Variants in CAPN2 observed in about 807,000 individuals in gnomAD.
CAPN2 encodes calpain 2.
In CAPN2, 92 loss-of-function variants were observed where a neutral mutation model predicts 102.3. The ratio of observed to expected loss-of-function variants is 0.90; its 90% CI spans 0.76 to 1.07. The LOEUF (loss-of-function observed/expected upper bound fraction) is 1.07. Ranked by LOEUF, CAPN2 falls within the 50% of genes least tolerant of loss-of-function variation. CAPN2 has a pLI of 0.00. For missense variants in CAPN2, 800 were observed against 909.4 expected (o/e 0.88, Z 1.55); for synonymous variants, 340 against 355.4 (o/e 0.96, Z 0.49).
chr1:223,770,390 G>GT, intron 17 of CAPN2, 57 bp from the exon 18 acceptor site: 1 of 1,226,678 alleles, frequency 8.2e-7, no homozygotes. Context: ...TACTAGGGAG[G>GT]TAACTTGCCA....
intron 2 of CAPN2, among the ~76,000 whole-genome samples, chr1:223,738,889 G>T (rs567682230): frequency 2.0e-5 from 3 of 152,242 alleles, no homozygotes; most frequent in South Asian, 4.1e-4. Context: ...GCCGAGCCAC[G>T]CTCTCAGAGA....
intron 2 of CAPN2, among the ~76,000 whole-genome samples, chr1:223,728,309 GC>G (rs1477433769): frequency 1.3e-5 from 2 of 152,298 alleles, no homozygotes; most frequent in Middle Eastern, 3.4e-3. Flanking sequence ...CATGTCTGGT[GC>G]CCGGGCTGAA....
At chr1:223,762,364 G>A in intron 14 of CAPN2, 113 bp downstream of exon 14, 1 of 859,654 alleles carries the variant, frequency 1.2e-6, no homozygotes, top group South Asian at 1.5e-5. Context: ...CTGAACAAAA[G>A]CAAAGAGAAA....
chr1:223,736,760 C>T (rs958354685), intron 2 of CAPN2, among the ~76,000 whole-genome samples: 3 of 152,126 alleles, frequency 2.0e-5, no homozygotes, highest in Non-Finnish European at 4.4e-5. Flanking sequence ...GAAATTAAGT[C>T]TAGGCTGGTC....
chr1:223,711,188 T>C (rs1659719125), upstream of CAPN2, among the ~76,000 whole-genome samples: 1 of 152,142 alleles, frequency 6.6e-6, no homozygotes, highest in Admixed American at 6.5e-5. Flanking sequence ...CTGGGGTGGG[T>C]AGGGGACAAA....
At position 223,775,218 on chromosome 1, in the gene CAPN2, C is replaced by T. The variant is rs1434608994; in HGVS notation, c.*361C>T. Reference sequence around the variant, plus strand: ...GAGGTATTTAACAGCTGAGCAAAAACATTGAGTCGCTCTCAAAGGACACGA... The same window carrying T: ...GAGGTATTTAACAGCTGAGCAAAAATATTGAGTCGCTCTCAAAGGACACGA... On this transcript the variant is annotated 3_prime_UTR_variant, in exon 21 of 21. Coordinates refer to ENST00000295006, the MANE Select transcript of CAPN2 (RefSeq NM_001748.5). 4.9e-6 allele frequency: 1 copy of T among 204,660 alleles called. No homozygotes were observed. Among genetic ancestry groups the T allele is most frequent in the Non-Finnish European group, 9.8e-6 (1 of 102,526 alleles). 12.7% of individuals were successfully genotyped at this position (204,660 alleles called of 1,614,324 possible). A position where few individuals can be genotyped will look rare whatever the true frequency, so the allele number is the denominator to read the frequency against.
chr1:223,770,493 C>T lies in CAPN2; in HGVS notation c.1871C>T (p.Ser624Phe). Residue 624 changes from serine to phenylalanine, a missense_variant, in exon 18 of 21, where the codon TCC becomes TTC. Ser to Phe is a radical substitution (Grantham distance 155). Coordinates refer to ENST00000295006, the MANE Select transcript of CAPN2 (RefSeq NM_001748.5). ...GTTGACAGGTCTGGTACCATGAATTCCTATGAAATGCGGAAGGCATTAGAA... is the reference window on the plus strand; with the variant it reads ...GTTGACAGGTCTGGTACCATGAATTTCTATGAAATGCGGAAGGCATTAGAA... ...IDVDRSGTMNSYEMRKALEEA... is the reference protein window; with the variant it reads ...IDVDRSGTMNFYEMRKALEEA... 2 of 1,613,628 alleles carry T rather than the reference C, an allele frequency of 1.2e-6. No homozygotes were observed. The highest frequency in any genetic ancestry group is 1.7e-6 in the Non-Finnish European group (2 of 1,179,772).
At chr1:223,722,999 T>C (rs1195526824) in intron 2 of CAPN2, among the ~76,000 whole-genome samples, 2 of 152,194 alleles carry the variant, frequency 1.3e-5, no homozygotes, top group Non-Finnish European at 2.9e-5. Flanking sequence ...GATCAGAGAT[T>C]TTGTAAGATG....
chr1:223,771,612 G>A (rs1264220705), intron 18 of CAPN2, 197 bp from the exon 19 acceptor site: 1 of 570,112 alleles, frequency 1.8e-6, no homozygotes, highest in East Asian at 3.0e-5. Flanking sequence ...CAGGGTGAAG[G>A]TGGACAGTTC....
At chr1:223,719,844 G>C (rs565458790) in intron 2 of CAPN2, among the ~76,000 whole-genome samples, 4 of 151,870 alleles carry the variant, frequency 2.6e-5, no homozygotes, top group African/African-American at 9.7e-5. Flanking sequence ...GCGCGCGCGC[G>C]TATAATGCAG....
rs770159890 is a variant in CAPN2 at position 223,764,107 on chromosome 1, C to T, written c.1633-43C>T. 8.3e-5 allele frequency: 128 copies of T among 1,549,820 alleles called. 1 individual carries two copies. In the East Asian group the frequency reaches 2.9e-3, roughly 35 times the overall value. On this transcript the variant is annotated intron_variant, in intron 14 of 20. Coordinates refer to ENST00000295006, the MANE Select transcript of CAPN2 (RefSeq NM_001748.5). ...TGTCCTGCCCTGTGCTCATCCAGCT[C>T]CCACGGGGGGCCAATAACTATGCTC...
In CAPN2 at chr1:223,774,811, CT is replaced by C. The variant is rs533089157; in HGVS notation, c.2080-13del. 7.1e-4 allele frequency: 1,050 copies of C among 1,473,264 alleles called. 1 individual carries two copies. Among genetic ancestry groups the C allele is most frequent in the South Asian group, 2.5e-3 (204 of 80,726 alleles). 91.3% of individuals were successfully genotyped at this position (1,473,264 alleles called of 1,614,324 possible). ...ATTTTAAAAGTGGTCACTGAGCTGA[CT>C]TTTTTTTTTCCTTCCTCACAGTGGC... On this transcript the variant is annotated intron_variant, in intron 20 of 20. Transcript: ENST00000295006.
intron 2 of CAPN2, among the ~76,000 whole-genome samples, chr1:223,720,648 T>C (rs893586540): frequency 2.0e-5 from 3 of 151,742 alleles, no homozygotes; most frequent in Non-Finnish European, 4.4e-5. Context: ...ACAGAAGGAG[T>C]AATAACAGTA....
chr1:223,752,548 A>G (rs1022574713), intron 8 of CAPN2, among the ~76,000 whole-genome samples: 3 of 152,176 alleles, frequency 2.0e-5, no homozygotes, highest in Non-Finnish European at 2.9e-5. Context: ...CACGGCTCCC[A>G]TTTTTGCAGG....
intron 12 of CAPN2, 116 bp from the exon 13 acceptor site, chr1:223,761,465 C>G: frequency 1.3e-6 from 1 of 759,508 alleles, no homozygotes. Context: ...CGCAGCCCTG[C>G]CCCACCCCAC....
intron 13 of CAPN2, 58 bp from the exon 14 acceptor site, chr1:223,762,126 CAG>C: frequency 6.9e-7 from 1 of 1,448,134 alleles, no homozygotes. Context: ...GAAGGGCGGG[CAG>C]ACACTTGGTG....
chr1:223,746,772 G>A (rs1022340586), intron 4 of CAPN2, among the ~76,000 whole-genome samples: 3 of 152,032 alleles, frequency 2.0e-5, no homozygotes, highest in Admixed American at 6.6e-5. Flanking sequence ...GAGCTACCGC[G>A]CCCGGCCTGA....
At chr1:223,753,077 C>T in intron 9 of CAPN2, 121 bp downstream of exon 9, 1 of 825,206 alleles carries the variant, frequency 1.2e-6, no homozygotes, top group African/African-American at 1.7e-5. Context: ...CTCCTGCTCA[C>T]TGGAACCCTC....
intron 20 of CAPN2, chr1:223,772,447 C>G (rs1019050238): frequency 9.4e-6 from 5 of 534,082 alleles, no homozygotes; most frequent in Non-Finnish European, 1.7e-5. Context: ...CCAAAATGCA[C>G]GCCTGGCTCC....
Sources: allele counts gnomAD v4.1 joint callset (sites outside exome capture counted in the v4.1 genomes callset), GRCh38; gene constraint gnomAD v4.1.1; transcripts MANE v1.5; gene names NCBI Gene and HGNC (gene_info 2026-07-23, HGNC 2026-07-21).